NRG3: variants seen among roughly 807,000 people sequenced by gnomAD.
NRG3 encodes the protein pro-neuregulin-3, membrane-bound isoform.
Under a neutral mutation model 66.9 loss-of-function variants are expected in NRG3, and 31 were observed. The observed-to-expected ratio is 0.46, with a 90% CI of 0.35 to 0.63. The LOEUF is 0.63. Ranked by LOEUF, NRG3 falls within the 20% of genes least tolerant of loss-of-function variation. The pLI, the probability that NRG3 is intolerant of heterozygous loss-of-function variation, is 0.00. For missense variants in NRG3, 910 were observed against 878.9 expected (o/e 1.04, Z -0.45); for synonymous variants, 393 against 359.4 (o/e 1.09, Z -1.06).
chr10:82,261,042 G>C (rs552787154), intron 1 of NRG3, among the ~76,000 whole-genome samples: 2 of 152,120 alleles, frequency 1.3e-5, no homozygotes, highest in African/African-American at 4.8e-5. Context: ...CTCTCTTGCA[G>C]TTCACATGAG....
rs554185171 is a variant in NRG3 at position 82,350,321 on chromosome 10, A to G, written c.824-8418A>G. Among the ~76,000 whole-genome samples the G allele has an allele frequency of 9.3e-4, 142 of 152,348 alleles. 1 individual carries two copies. The highest frequency in any genetic ancestry group is 3.2e-3 in the African/African-American group (131 of 41,580). ...TACAACCATTATGATACTTATTCAC[A>G]GAAAGCGTGCATTAAGCACTTATTG... On this transcript the variant is annotated intron_variant, in intron 1 of 8. Coordinates refer to ENST00000372141, the MANE Select transcript of NRG3 (RefSeq NM_001010848.4).
At chr10:82,569,915 C>T (rs960696584) in intron 2 of NRG3, among the ~76,000 whole-genome samples, 5 of 151,590 alleles carry the variant, frequency 3.3e-5, no homozygotes, top group Admixed American at 1.3e-4. Context: ...TTCACACTTG[C>T]CTTCATAAGT....
rs1023584092 is a variant in NRG3 at position 82,957,692 on chromosome 10, G to A, written c.1158-1257G>A. Among the ~76,000 whole-genome samples the A allele has an allele frequency of 6.6e-5, 10 of 151,362 alleles. 1 individual carries two copies. Among genetic ancestry groups the A allele is most frequent in the African/African-American group, 2.5e-4 (10 of 40,696 alleles). ...GCAACTTCCTGTCCACCCTTGGACT[G>A]GCACCATCCTTTCTATTGATCCTTG... On this transcript the variant is annotated intron_variant, in intron 5 of 8. Coordinates refer to ENST00000372141, the MANE Select transcript of NRG3 (RefSeq NM_001010848.4).
rs569091225 is a variant in NRG3, at chr10:82,876,524, C to G, written c.1054+11087C>G. Among the ~76,000 whole-genome samples, 3 of 152,228 alleles carry G rather than the reference C, an allele frequency of 2.0e-5. No homozygotes were observed. The East Asian group carries it at 5.8e-4, about 29-fold the overall frequency. On this transcript the variant is annotated intron_variant, in intron 4 of 8. Coordinates refer to ENST00000372141, the MANE Select transcript of NRG3 (RefSeq NM_001010848.4). ...AAGTGAATGCTTCTTTGTCAGAGAGCAAGTCTAACAAAAAGCATTGGACAT... is the reference window on the plus strand; with the variant it reads ...AAGTGAATGCTTCTTTGTCAGAGAGGAAGTCTAACAAAAAGCATTGGACAT...
At chr10:81,970,532 A>G (rs1353459505) in intron 1 of NRG3, among the ~76,000 whole-genome samples, 3 of 152,200 alleles carry the variant, frequency 2.0e-5, no homozygotes, top group African/African-American at 7.2e-5. Context: ...AATTCAATCT[A>G]TGTTAGATAT....
chr10:81,943,780 A>G (rs1848596798), intron 1 of NRG3, among the ~76,000 whole-genome samples: 1 of 152,252 alleles, frequency 6.6e-6, no homozygotes, highest in Admixed American at 6.5e-5. Context: ...TCTTACCATT[A>G]CAATCGTGGT....
intron 4 of NRG3, among the ~76,000 whole-genome samples, chr10:82,941,995 TTGTGTGTG>T (rs3075660): frequency 1.0e-4 from 15 of 148,366 alleles, no homozygotes; most frequent in East Asian, 4.0e-4. Flanking sequence ...ACATATAGGT[TTGTGTGTG>T]TGTGTGTGTG....
At chr10:81,896,258 AG>A (rs1843516494) in intron 1 of NRG3, among the ~76,000 whole-genome samples, 2 of 152,182 alleles carry the variant, frequency 1.3e-5, no homozygotes, top group Admixed American at 1.3e-4. Flanking sequence ...TTTGAAACTG[AG>A]TTGTATGTCA....
At chr10:82,143,678 T>C (rs966623705) in intron 1 of NRG3, among the ~76,000 whole-genome samples, 6 of 152,174 alleles carry the variant, frequency 3.9e-5, no homozygotes, top group African/African-American at 1.4e-4. Context: ...CCTTAGTTTA[T>C]TGTCTGTATA....
At chr10:82,391,718 A>G (rs1347938613) in intron 2 of NRG3, among the ~76,000 whole-genome samples, 2 of 152,106 alleles carry the variant, frequency 1.3e-5, no homozygotes. Flanking sequence ...ACCAATCCAT[A>G]TTTAAAGACT....
intron 1 of NRG3, among the ~76,000 whole-genome samples, chr10:81,935,435 A>G (rs1847767474): frequency 6.6e-6 from 1 of 152,140 alleles, no homozygotes; most frequent in South Asian, 2.1e-4. Context: ...ATAAGGATGA[A>G]AGGTAAGTAA....
chr10:82,160,938 G>A (rs576920446), intron 1 of NRG3, among the ~76,000 whole-genome samples: 2 of 151,950 alleles, frequency 1.3e-5, no homozygotes, highest in African/African-American at 2.4e-5. Flanking sequence ...TTAAAAATAT[G>A]TACAATACCT....
chr10:82,624,828 T>G (rs1481735750), intron 2 of NRG3, among the ~76,000 whole-genome samples: 2 of 147,584 alleles, frequency 1.4e-5, no homozygotes, highest in African/African-American at 2.5e-5. Context: ...AATAAATCCA[T>G]GAAATATTAA....
intron 2 of NRG3, among the ~76,000 whole-genome samples, chr10:82,498,964 G>A (rs1373837474): frequency 6.6e-6 from 1 of 152,028 alleles, no homozygotes; most frequent in Non-Finnish European, 1.5e-5. Flanking sequence ...TGAGACTCCA[G>A]GGCATCAACA....
At chr10:81,933,709 C>A (rs1038077277) in intron 1 of NRG3, among the ~76,000 whole-genome samples, 3 of 152,082 alleles carry the variant, frequency 2.0e-5, no homozygotes, top group Admixed American at 2.0e-4. Context: ...CTGATTGGTA[C>A]AAGATGAAAG....
intron 1 of NRG3, among the ~76,000 whole-genome samples, chr10:82,201,489 A>G (rs1466859634): frequency 2.0e-5 from 3 of 152,152 alleles, no homozygotes; most frequent in African/African-American, 4.8e-5. Context: ...TCATGTTAAA[A>G]GGAAAAATCT....
chr10:82,436,918 T>C (rs2090171075), intron 2 of NRG3, among the ~76,000 whole-genome samples: 1 of 152,216 alleles, frequency 6.6e-6, no homozygotes, highest in Non-Finnish European at 1.5e-5. Flanking sequence ...GTTAGTCTGA[T>C]GGGCTTCCCT....
chr10:82,878,114 T>A (rs2136037868), intron 4 of NRG3, among the ~76,000 whole-genome samples: 1 of 152,088 alleles, frequency 6.6e-6, no homozygotes, highest in South Asian at 2.1e-4. Flanking sequence ...ATTTCTACAG[T>A]TAGTAGCTGG....
At chr10:82,545,405 GTCTC>G (rs2043827550) in intron 2 of NRG3, among the ~76,000 whole-genome samples, 1 of 139,410 alleles carries the variant, frequency 7.2e-6, no homozygotes, top group Admixed American at 7.4e-5. Flanking sequence ...TTGAGACGGA[GTCTC>G]TCTCTGTCGC....
Sources: gnomAD v4.1 joint callset for allele counts (sites outside exome capture counted in the v4.1 genomes callset) on GRCh38, gnomAD v4.1.1 for gene constraint, MANE v1.5 for transcripts, NCBI Gene and HGNC (gene_info 2026-07-23, HGNC 2026-07-21) for gene names.